The following ADGRV1 variants were observed in gnomAD, a reference collection of about 807,000 sequenced individuals.
The protein encoded by ADGRV1 is G-protein coupled receptor 98.
A neutral mutation model predicts 596.2 loss-of-function variants in ADGRV1; 359 were observed. The observed-to-expected ratio is 0.60, with a 90% CI of 0.55 to 0.66. The LOEUF (loss-of-function observed/expected upper bound fraction) is 0.66. ADGRV1 is among the 30% of genes least tolerant of loss of function. ADGRV1 has a pLI of 0.00. For synonymous variants in ADGRV1, 2,681 were observed against 2,679.2 expected, an observed-to-expected ratio of 1.00 and a Z score of -0.02; for missense variants, 7,274 against 7,575.6, an observed-to-expected ratio of 0.96 and a Z score of 1.48.
At chr5:90,585,654 G>GCATATTGTCAGAAGC (rs1232482699) in intron 1 of ADGRV1, among the ~76,000 whole-genome samples, 1 of 152,188 alleles carries the variant, frequency 6.6e-6, no homozygotes, top group Non-Finnish European at 1.5e-5. Context: ...ATTGCTATGG[G>GCATATTGTCAGAAGC]CATATTGTCA....
At chr5:90,780,144 T>C (rs1464757270) in intron 64 of ADGRV1, 1 of 152,224 alleles carries the variant, frequency 6.6e-6, no homozygotes, top group Non-Finnish European at 1.5e-5. Context: ...TTTGTGTTAC[T>C]GACCAGCTAG....
At chr5:90,856,288 C>T (rs1767018287) in intron 82 of ADGRV1, among the ~76,000 whole-genome samples, 1 of 152,078 alleles carries the variant, frequency 6.6e-6, no homozygotes, top group South Asian at 2.1e-4. Flanking sequence ...AAAATACATG[C>T]AAAGAATTTT....
chr5:90,662,700 C>T (rs1253152068), intron 21 of ADGRV1, among the ~76,000 whole-genome samples: 3 of 151,584 alleles, frequency 2.0e-5, no homozygotes, highest in Admixed American at 6.6e-5. Flanking sequence ...CATGCTGGTG[C>T]TCTGCACCCA....
rs1747251328 is a variant in ADGRV1, at chr5:90,696,826, C to A, written c.7946-111C>A. 4.5e-6 allele frequency: 3 copies of A among 672,894 alleles called. No homozygotes were observed. In the South Asian group the frequency reaches 7.3e-5, roughly 16 times the overall value. The allele number at this position is 672,894 out of a possible 1,614,324, so 41.7% of individuals were successfully genotyped here. On this transcript the variant is annotated intron_variant, in intron 33 of 89. Coordinates refer to ENST00000405460, the MANE Select transcript of ADGRV1 (RefSeq NM_032119.4). ...CCCATGATATGGAACTGTTATAATT[C>A]ACTCATATTTTTATTTAACTTTTAA...
Position 90,959,026 on chromosome 5 carries a change from T to G in ADGRV1, c.17857-6389T>G, listed in dbSNP as rs116421836. 2.4e-3 allele frequency among the ~76,000 whole-genome samples: 372 copies of G among 152,278 alleles called. 2 individuals carry two copies. Among genetic ancestry groups the G allele is most frequent in the African/African-American group, 8.6e-3 (359 of 41,570 alleles). On this transcript the variant is annotated intron_variant, in intron 83 of 89. Transcript: ENST00000405460. The stretch of plus-strand genomic sequence containing the variant: ...AAGTACAATAGGCAAGATAAGACAA[T>G]TAGAGCTTTCTAATTAGCAAATAAG...
chr5:90,804,840 T>A (rs1761751327), intron 71 of ADGRV1: 1 of 152,202 alleles, frequency 6.6e-6, no homozygotes, highest in Non-Finnish European at 1.5e-5. Flanking sequence ...TAAAATTAAG[T>A]CAGAGCTGAA....
At chr5:90,651,450 T>C (rs573156057) in intron 17 of ADGRV1, among the ~76,000 whole-genome samples, 154 bp from the exon 18 acceptor site, 2 of 152,304 alleles carry the variant, frequency 1.3e-5, no homozygotes, top group East Asian at 1.9e-4. Context: ...TTTGGAAATA[T>C]GGAGCAGTAT....
chr5:90,758,668 GTTAAA>G (rs1350851832), intron 57 of ADGRV1, among the ~76,000 whole-genome samples: 3 of 152,076 alleles, frequency 2.0e-5, no homozygotes, highest in Non-Finnish European at 4.4e-5. Flanking sequence ...TTTCTCTGTT[GTTAAA>G]TTAAAGATTT....
At chr5:90,819,615 G>T (rs947668527) in intron 75 of ADGRV1, among the ~76,000 whole-genome samples, 3 of 150,890 alleles carry the variant, frequency 2.0e-5, no homozygotes, top group Admixed American at 6.6e-5. Flanking sequence ...GGTATGTTGT[G>T]TCTTTGTTCT....
intron 77 of ADGRV1, among the ~76,000 whole-genome samples, chr5:90,834,998 T>C (rs746244103): frequency 1.3e-5 from 2 of 151,840 alleles, no homozygotes; most frequent in African/African-American, 2.4e-5. Flanking sequence ...TCTTTCTTAT[T>C]CTTCCAATCC....
intron 85 of ADGRV1, among the ~76,000 whole-genome samples, chr5:91,043,977 G>A (rs1785581727): frequency 6.6e-6 from 1 of 151,844 alleles, no homozygotes; most frequent in African/African-American, 2.4e-5. Flanking sequence ...TCTGAGTGAG[G>A]TCTTTTGTAT....
intron 1 of ADGRV1, among the ~76,000 whole-genome samples, chr5:90,608,759 C>T (rs144070458): frequency 1.8e-4 from 28 of 151,992 alleles, no homozygotes; most frequent in African/African-American, 6.5e-4. Context: ...GAGGATGAAA[C>T]ACAGGAAAGG....
rs10700327 is a variant in ADGRV1, at chr5:90,748,813, G to GTTTTTTTTTTTTTTTT, written c.10975-1729_10975-1728insTTTTTTTTTTTTTTTT. 2.1e-5 allele frequency among the ~76,000 whole-genome samples: 3 copies of GTTTTTTTTTTTTTTTT among 142,312 alleles called. 1 individual carries two copies. The highest frequency in any genetic ancestry group is 1.5e-5 in the Non-Finnish European group (1 of 66,544). The allele number at this position is 142,312 out of a possible 152,430, so 93.4% of individuals were successfully genotyped here. A position where few individuals can be genotyped will look rare whatever the true frequency, so the allele number is the denominator to read the frequency against. On this transcript the variant is annotated intron_variant, in intron 52 of 89. Coordinates refer to ENST00000405460, the MANE Select transcript of ADGRV1 (RefSeq NM_032119.4). ...AATTGCCTAGTTTGTCTATCATCAA[G>GTTTTTTTTTTTTTTTT]TTTTTTTTTGTTTTTTTTTTAACTA...
In ADGRV1 at chr5:91,036,403, C is replaced by CA. The variant is rs1041176690; in HGVS notation, c.18153-36035dup. On this transcript the variant is annotated intron_variant, in intron 85 of 89. Coordinates refer to ENST00000405460, the MANE Select transcript of ADGRV1 (RefSeq NM_032119.4). Reference sequence around the variant, plus strand: ...TGAAACCCTGTCTCTACTAAAAATACAAAAAAAAATTAGCCGGGCGTGGTG... The same window carrying CA: ...TGAAACCCTGTCTCTACTAAAAATACAAAAAAAAAATTAGCCGGGCGTGGTG... 6.0e-5 allele frequency among the ~76,000 whole-genome samples: 9 copies of CA among 150,252 alleles called. No homozygotes were observed. In the South Asian group the frequency reaches 1.1e-3, roughly 18 times the overall value.
At chr5:91,131,267 C>G (rs543612877) in intron 87 of ADGRV1, among the ~76,000 whole-genome samples, 2 of 152,274 alleles carry the variant, frequency 1.3e-5, no homozygotes, top group South Asian at 4.1e-4. Flanking sequence ...TCTCTACAAC[C>G]TTACCAACAG....
intron 26 of ADGRV1, among the ~76,000 whole-genome samples, chr5:90,680,279 C>T (rs1744766972): frequency 2.0e-5 from 3 of 151,734 alleles, no homozygotes; most frequent in South Asian, 2.1e-4. Flanking sequence ...GCTCTTGAAC[C>T]CAGGAGGCGG....
rs1006314341 is a variant in ADGRV1 at position 90,962,820 on chromosome 5, A to T, written c.17857-2595A>T. 2.0e-5 allele frequency among the ~76,000 whole-genome samples: 3 copies of T among 152,188 alleles called. No individual in the cohort carries two copies. The East Asian group carries it at 5.8e-4, about 29-fold the overall frequency. Reference sequence around the variant, plus strand: ...ATCTTCTTATAATTTAGAAAAGGAGATTAGAGTGTAATAAAATATCAAATC... The same window carrying T: ...ATCTTCTTATAATTTAGAAAAGGAGTTTAGAGTGTAATAAAATATCAAATC... On this transcript the variant is annotated intron_variant, in intron 83 of 89. Transcript: ENST00000405460.
Position 90,646,049 on chromosome 5 carries a change from A to G in ADGRV1, c.2980A>G (p.Thr994Ala), listed in dbSNP as rs770946041. Residue 994 changes from threonine (T) to alanine (A), a missense_variant, in exon 16 of 90, where the codon ACT (threonine) becomes GCT (alanine). Transcript: ENST00000405460. ...TAAAGTGGGAAATAGAACAACTGCA[A>G]CTCTGAGGATTAGAAGAAATGATGA... ...GAKVGNRTTATLRIRRNDDPI... is the reference protein window; with the variant it reads ...GAKVGNRTTAALRIRRNDDPI... 4.4e-6 allele frequency: 7 copies of G among 1,601,142 alleles called. No individual in the cohort carries two copies. The African/African-American group carries it at 6.7e-5, about 15-fold the overall frequency.
chr5:91,043,391 C>T (rs567650240), intron 85 of ADGRV1, among the ~76,000 whole-genome samples: 53 of 152,116 alleles, frequency 3.5e-4, no homozygotes, highest in Non-Finnish European at 2.6e-4. Context: ...CTTCGGGGCT[C>T]TAGAGGTTCT....
Sources: gnomAD v4.1 joint callset for allele counts (sites outside exome capture counted in the v4.1 genomes callset) on GRCh38, gnomAD v4.1.1 for gene constraint, MANE v1.5 for transcripts, NCBI Gene and HGNC (gene_info 2026-07-23, HGNC 2026-07-21) for gene names.